The following KDM4A variants were observed in gnomAD, a reference collection of about 807,000 sequenced individuals.
KDM4A encodes lysine-specific demethylase 4A.
Under a neutral mutation model 127.1 loss-of-function variants are expected in KDM4A, and 23 were observed. That is an observed-to-expected ratio of 0.18 (90% CI 0.13 to 0.26). The LOEUF is 0.26. Among genes scored for constraint, KDM4A ranks in the 10% least tolerant of loss-of-function variants. The pLI, the probability that KDM4A is intolerant of heterozygous loss-of-function variation, is 1.00. For synonymous variants in KDM4A, 443 were observed against 466.5 expected (o/e 0.95, Z 0.65); for missense variants, 890 against 1,329.1 (o/e 0.67, Z 5.14).
rs567420109 is a variant in KDM4A, at chr1:43,701,271, G to A, written c.2842-2346G>A. The stretch of plus-strand genomic sequence containing the variant: ...AGTATCACTAATAATCAAAAAACTT[G>A]GAATTTTGGGAAGTTTCAAGCTCAC... On this transcript the variant is annotated intron_variant, in intron 19 of 21. Coordinates refer to ENST00000372396, the MANE Select transcript of KDM4A (RefSeq NM_014663.3). Among the ~76,000 whole-genome samples the A allele has an allele frequency of 2.6e-5, 4 of 152,186 alleles. No homozygotes were observed. In the South Asian group the frequency reaches 8.3e-4, roughly 32 times the overall value.
intron 5 of KDM4A, among the ~76,000 whole-genome samples, chr1:43,665,327 G>A (rs1421633458): frequency 6.6e-6 from 1 of 151,908 alleles, no homozygotes; most frequent in East Asian, 1.9e-4. Flanking sequence ...TAAAAATACT[G>A]AGCATTTTTA....
At chr1:43,667,649 A>G (rs189132755) in intron 8 of KDM4A, 123 bp from the exon 9 acceptor site, 1 of 1,337,204 alleles carries the variant, frequency 7.5e-7, no homozygotes, top group African/African-American at 1.4e-5. Context: ...CCTGTGAACC[A>G]AAACAATCTG....
intron 11 of KDM4A, among the ~76,000 whole-genome samples, chr1:43,674,852 G>C (rs371455930): frequency 3.9e-5 from 6 of 152,072 alleles, no homozygotes; most frequent in African/African-American, 1.2e-4. Context: ...TAGAGGCAAA[G>C]CATTTCCATG....
chr1:43,677,621 G>A (rs1660771501), intron 11 of KDM4A, among the ~76,000 whole-genome samples: 1 of 152,136 alleles, frequency 6.6e-6, no homozygotes, highest in African/African-American at 2.4e-5. Flanking sequence ...TAATCAAGAA[G>A]CTGTCATTGA....
intron 4 of KDM4A, among the ~76,000 whole-genome samples, chr1:43,661,902 C>G (rs987854537): frequency 6.6e-6 from 1 of 152,014 alleles, no homozygotes; most frequent in Non-Finnish European, 1.5e-5. Context: ...GTTTTTTGTT[C>G]TTTTGTTTTT....
chr1:43,699,817 C>G (rs1469109732), intron 19 of KDM4A: 2 of 151,506 alleles, frequency 1.3e-5, no homozygotes, highest in Non-Finnish European at 2.9e-5. Context: ...GCAGGCTTCA[C>G]CTCCCAGGTT....
At chr1:43,654,607 CAG>C (rs995866090) in intron 2 of KDM4A, among the ~76,000 whole-genome samples, 6 of 151,816 alleles carry the variant, frequency 4.0e-5, no homozygotes, top group African/African-American at 1.4e-4. Flanking sequence ...TGAGTAAAAA[CAG>C]AATGCTATTG....
At chr1:43,680,858 T>C (rs767091499) in intron 11 of KDM4A, among the ~76,000 whole-genome samples, 3 of 152,236 alleles carry the variant, frequency 2.0e-5, no homozygotes, top group Non-Finnish European at 4.4e-5. Flanking sequence ...TTAGCAATCT[T>C]AATTCTCCTT....
intron 11 of KDM4A, among the ~76,000 whole-genome samples, chr1:43,680,397 T>A (rs762836302): frequency 6.6e-6 from 1 of 152,218 alleles, no homozygotes; most frequent in Admixed American, 6.5e-5. Context: ...AGCTGCATTC[T>A]GGTGTTCTTG....
At chr1:43,663,615 G>A (rs1660434423) in intron 5 of KDM4A, among the ~76,000 whole-genome samples, 2 of 147,106 alleles carry the variant, frequency 1.4e-5, no homozygotes, top group South Asian at 4.2e-4. Flanking sequence ...CCATCTTTGA[G>A]TCTCAGCATT....
chr1:43,662,837 C>T (rs1257920094), intron 4 of KDM4A, 57 bp from the exon 5 acceptor site: 6 of 1,480,136 alleles, frequency 4.1e-6, no homozygotes, highest in Non-Finnish European at 5.5e-6. Flanking sequence ...TTTGTAGGTT[C>T]AGAGCCTCGG....
Position 43,681,920 on chromosome 1 carries a change from G to A in KDM4A, c.1735-1764G>A, listed in dbSNP as rs138203469. On this transcript the variant is annotated intron_variant, in intron 11 of 21. Coordinates refer to ENST00000372396, the MANE Select transcript of KDM4A (RefSeq NM_014663.3). ...TTCTATTTACATGGTTAAGACTGTC[G>A]GGCAAGTATGGGTTTTCCAGTTTGT... Among the ~76,000 whole-genome samples the A allele has an allele frequency of 4.8e-3, 725 of 152,188 alleles. 8 individuals carry two copies. The highest frequency in any genetic ancestry group is 0.017 in the African/African-American group (700 of 41,508).
chr1:43,703,828 G>A, intron 20 of KDM4A, 92 bp downstream of exon 20: 1 of 1,536,394 alleles, frequency 6.5e-7, no homozygotes, highest in East Asian at 2.3e-5. Flanking sequence ...GCTCTTAGGA[G>A]AACTAATAGG....
intron 18 of KDM4A, 132 bp from the exon 19 acceptor site, chr1:43,697,711 C>T: frequency 1.2e-6 from 1 of 860,684 alleles, no homozygotes; most frequent in South Asian, 1.8e-5. Context: ...GCTCCCATCT[C>T]TTCTCTCCTT....
At chr1:43,684,478 G>T (rs964003510) in intron 12 of KDM4A, among the ~76,000 whole-genome samples, 2 of 152,304 alleles carry the variant, frequency 1.3e-5, no homozygotes, top group Middle Eastern at 3.4e-3. Context: ...ACTCCAGCCT[G>T]GGCGACAGAG....
At chr1:43,679,407 CA>C (rs886432621) in intron 11 of KDM4A, among the ~76,000 whole-genome samples, 72 of 152,258 alleles carry the variant, frequency 4.7e-4, no homozygotes, top group African/African-American at 1.7e-3. Flanking sequence ...GACAGATAGT[CA>C]AGGTTTGGGG....
rs142732395 is a variant in KDM4A at position 43,688,448 on chromosome 1, A to AAG, written c.1856-465_1856-464dup. 0.012 allele frequency among the ~76,000 whole-genome samples: 1,835 copies of AAG among 152,302 alleles called. 36 individuals carry two copies. The highest frequency in any genetic ancestry group is 0.042 in the African/African-American group (1,750 of 41,544). On this transcript the variant is annotated intron_variant, in intron 12 of 21. Coordinates refer to ENST00000372396, the MANE Select transcript of KDM4A (RefSeq NM_014663.3). The surrounding 1 kb of genome is among the most constrained non-coding windows in gnomAD (Gnocchi z 4.4). ...CAAGGACCATGATATTACAACTTTTAAGCTTTGCCAATTCCCTGTTATTTT... is the reference window on the plus strand; with the variant it reads ...CAAGGACCATGATATTACAACTTTTAAGAGCTTTGCCAATTCCCTGTTATTTT...
chr1:43,699,136 A>G (rs1479216652), intron 19 of KDM4A, among the ~76,000 whole-genome samples: 2 of 136,550 alleles, frequency 1.5e-5, no homozygotes, highest in African/African-American at 5.4e-5. Flanking sequence ...TCACTCTGTC[A>G]CTTAGGCTGG....
chr1:43,671,840 G>A lies in KDM4A; in HGVS notation c.1699G>A (p.Ala567Thr), dbSNP rs190275733. The A allele has an allele frequency of 2.8e-4, 438 of 1,582,978 alleles. 1 individual carries two copies. The highest frequency in any genetic ancestry group is 1.0e-3 in the Admixed American group (57 of 54,838). Residue 567 changes from alanine to threonine, a missense_variant, in exon 11 of 22, where the codon GCC becomes ACC. By Grantham distance (58) the Ala-to-Thr change is moderately conservative. This residue lies in a region of KDM4A where 389 missense variants were observed against 485.9 expected (regional missense o/e 0.80). Transcript: ENST00000372396. ...GEPCTRKKGS[A>T]ARSFSERELA... ...GCCATGCACGAGGAAGAAAGGAAGCGCCGCTAGAAGTTTCAGTGAGCGGGA... is the reference window on the plus strand; with the variant it reads ...GCCATGCACGAGGAAGAAAGGAAGCACCGCTAGAAGTTTCAGTGAGCGGGA...
Sources: gnomAD v4.1 joint callset for allele counts (sites outside exome capture counted in the v4.1 genomes callset) on GRCh38, gnomAD v4.1.1 for gene constraint, gnomAD v4.1.1 regional missense constraint, Gnocchi (gnomAD v3.1) non-coding constraint, MANE v1.5 for transcripts, NCBI Gene and HGNC (gene_info 2026-07-23, HGNC 2026-07-21) for gene names.